The following GEN1 variants were observed in gnomAD, a reference collection of about 807,000 sequenced individuals.
GEN1 encodes flap endonuclease GEN homolog 1.
GEN1 carries 64 observed loss-of-function variants against 67.6 expected under a neutral mutation model. That is an observed-to-expected ratio of 0.95 (90% CI 0.77 to 1.17). The LOEUF is 1.17. Among genes scored for constraint, GEN1 ranks in the 50% most tolerant of loss-of-function variants. The pLI is 0.00. For synonymous variants in GEN1, 371 were observed against 359.4 expected (o/e 1.03, Z -0.37); for missense variants, 1,058 against 1,048.3 (o/e 1.01, Z -0.13).
rs869312589 is a variant in GEN1, at chr2:17,774,606, T to C, written c.1202+205T>C. The C allele has an allele frequency of 3.7e-6, 1 of 268,594 alleles. No homozygotes were observed. Among genetic ancestry groups the C allele is most frequent in the Non-Finnish European group, 7.2e-6 (1 of 139,238 alleles). 16.6% of individuals were successfully genotyped at this position (268,594 alleles called of 1,614,324 possible). ...TTCTACTTCAAACACATAGTAATAA[T>C]AGATTATAAAAAGAAACAAGCATAA... On this transcript the variant is annotated intron_variant, in intron 11 of 13. Coordinates refer to ENST00000381254, the MANE Select transcript of GEN1 (RefSeq NM_001130009.3).
intron 6 of GEN1, among the ~76,000 whole-genome samples, chr2:17,770,218 G>C (rs1360959486): frequency 6.6e-6 from 1 of 152,110 alleles, no homozygotes; most frequent in Non-Finnish European, 1.5e-5. Flanking sequence ...CAGCAAATAA[G>C]CACTGTTGAC....
At chr2:17,753,328 G>GACGGCCGCCTGGGAGGGC (rs1671174586), upstream of GEN1, among the ~76,000 whole-genome samples, 1 of 151,672 alleles carries the variant, frequency 6.6e-6, no homozygotes, top group Non-Finnish European at 1.5e-5. Context: ...AGAGTCTGGG[G>GACGGCCGCCTGGGAGGGC]ACGGCCGCCT....
rs770730123 is a variant in GEN1 at position 17,774,414 on chromosome 2, A to C, written c.1202+13A>C. ...TACAGCCAATTCGGTAATGTAAAGA[A>C]CTGTATGGTGAAGGTGGTGTTTTTA... On this transcript the variant is annotated intron_variant, in intron 11 of 13. Coordinates refer to ENST00000381254, the MANE Select transcript of GEN1 (RefSeq NM_001130009.3). The C allele has an allele frequency of 4.4e-5, 70 of 1,578,740 alleles. No individual in the cohort carries two copies. In the South Asian group the frequency reaches 7.0e-4, roughly 16 times the overall value.
intron 1 of GEN1, among the ~76,000 whole-genome samples, chr2:17,757,231 C>G (rs905655673): frequency 1.3e-5 from 2 of 148,312 alleles, no homozygotes; most frequent in African/African-American, 5.0e-5. Context: ...TTCCAATAAT[C>G]GAATCAGTGC....
chr2:17,778,327 TACATATATGTATACACACAC>T (rs1672614812), intron 12 of GEN1, among the ~76,000 whole-genome samples: 1 of 53,290 alleles, frequency 1.9e-5, no homozygotes, highest in African/African-American at 7.2e-5. Context: ...CACACACGTG[TACATATATGTATACACACAC>T]ATGTGTGTAC....
intron 3 of GEN1, among the ~76,000 whole-genome samples, chr2:17,762,269 T>G (rs1671722218): frequency 6.8e-6 from 1 of 147,334 alleles, no homozygotes; most frequent in Non-Finnish European, 1.5e-5. Context: ...TGGCGCAATC[T>G]CGGCTCACTG....
Position 17,762,787 on chromosome 2 carries a change from G to A in GEN1, c.348+1205G>A, listed in dbSNP as rs1356808889. On this transcript the variant is annotated intron_variant, in intron 3 of 13. Coordinates refer to ENST00000381254, the MANE Select transcript of GEN1 (RefSeq NM_001130009.3). Reference sequence around the variant, plus strand: ...TGTTTTCTTGTGATTTGAAATTTTAGATAAAATTACCCAATGTTGGATTGA... The same window carrying A: ...TGTTTTCTTGTGATTTGAAATTTTAAATAAAATTACCCAATGTTGGATTGA... 2.0e-5 allele frequency among the ~76,000 whole-genome samples: 3 copies of A among 152,084 alleles called. No homozygotes were observed. In the East Asian group the frequency reaches 5.8e-4, roughly 29 times the overall value.
chr2:17,774,206 A>G, intron 10 of GEN1, 65 bp from the exon 11 acceptor site: 1 of 849,736 alleles, frequency 1.2e-6, no homozygotes, highest in Non-Finnish European at 1.7e-6. Flanking sequence ...TATTAATATC[A>G]CCTAGGAGTG....
intron 11 of GEN1, among the ~76,000 whole-genome samples, chr2:17,777,651 A>G (rs774582651): frequency 6.6e-6 from 1 of 152,224 alleles, no homozygotes; most frequent in African/African-American, 2.4e-5. Flanking sequence ...AGGTACATGT[A>G]GAATAATACT....
chr2:17,753,584 C>T (rs1671211609), upstream of GEN1: 1 of 152,388 alleles, frequency 6.6e-6, no homozygotes, highest in African/African-American at 2.4e-5. Flanking sequence ...GGAGGATGAA[C>T]CCCGGAGCAA....
intron 1 of GEN1, among the ~76,000 whole-genome samples, chr2:17,758,873 A>G (rs1048056491): frequency 2.0e-5 from 3 of 152,040 alleles, no homozygotes; most frequent in Non-Finnish European, 4.4e-5. Context: ...AAAAAAAGGA[A>G]TAATACTTAT....
rs112886915 is a variant in GEN1, at chr2:17,761,378, C to G, written c.162-18C>G. The G allele has an allele frequency of 7.4e-7, 1 of 1,359,624 alleles. No homozygotes were observed. The highest frequency in any genetic ancestry group is 1.8e-5 in the Admixed American group (1 of 55,374). The allele number at this position is 1,359,624 out of a possible 1,614,324, so 84.2% of individuals were successfully genotyped here. On this transcript the variant is annotated intron_variant, in intron 2 of 13. Coordinates refer to ENST00000381254, the MANE Select transcript of GEN1 (RefSeq NM_001130009.3). ...TCAGTGTTTGATGATTAATGTATTA[C>G]TAATTTATATATTTCAGGAACTTAT...
At chr2:17,757,837 T>C (rs1671500142) in intron 1 of GEN1, among the ~76,000 whole-genome samples, 1 of 152,346 alleles carries the variant, frequency 6.6e-6, no homozygotes, top group South Asian at 2.1e-4. Context: ...CTCCAACTCC[T>C]AATAAATAGG....
At chr2:17,774,875 A>T (rs370572222) in intron 11 of GEN1, among the ~76,000 whole-genome samples, 1 of 152,066 alleles carries the variant, frequency 6.6e-6, no homozygotes, top group Non-Finnish European at 1.5e-5. Context: ...CTCTGTTCCT[A>T]TCAGGAGATT....
intron 5 of GEN1, 28 bp from the exon 6 acceptor site, chr2:17,768,709 GA>G: frequency 2.7e-6 from 4 of 1,504,338 alleles, no homozygotes; most frequent in Non-Finnish European, 3.7e-6. Flanking sequence ...ATTAACATTG[GA>G]ATTATTTTTT....
At position 17,785,817 on chromosome 2, in the gene GEN1, C is replaced by T. The variant is rs1349599167; in HGVS notation, c.*3878C>T. ...GCTGAGGCAGGAGAATCGCTTGAAC[C>T]TGGGAGGCAGAGGTTGCAGTGAGCT... On this transcript the variant is annotated 3_prime_UTR_variant, in exon 14 of 14. Coordinates refer to ENST00000381254, the MANE Select transcript of GEN1 (RefSeq NM_001130009.3). 1 of 152,386 alleles carries T rather than the reference C, an allele frequency of 6.6e-6. No individual in the cohort carries two copies. Among genetic ancestry groups the T allele is most frequent in the East Asian group, 1.9e-4 (1 of 5,202 alleles). The allele number at this position is 152,386 out of a possible 1,614,324, so 9.4% of individuals were successfully genotyped here. A position where few individuals can be genotyped will look rare whatever the true frequency, so the allele number is the denominator to read the frequency against.
At position 17,774,297 on chromosome 2, in the gene GEN1, G is replaced by C; in HGVS notation, c.1098G>C (p.Trp366Cys). ...FQRFTLEKME[W>C]PNHYACEKLL... is the part of the protein sequence containing the mutation. Reference sequence around the variant, plus strand: ...GATTTACTCTTGAAAAAATGGAGTGGCCCAATCACTATGCATGTGAGAAAT... The same window carrying C: ...GATTTACTCTTGAAAAAATGGAGTGCCCCAATCACTATGCATGTGAGAAAT... The change falls in exon 11 of 14, where the codon TGG becomes TGC. Residue 366 changes from tryptophan to cysteine, a missense_variant. Transcript: ENST00000381254. The C allele has an allele frequency of 6.3e-7, 1 of 1,580,844 alleles. No individual in the cohort carries two copies. Among genetic ancestry groups the C allele is most frequent in the African/African-American group, 1.3e-5 (1 of 74,112 alleles).
chr2:17,768,187 T>C (rs1291675488), intron 5 of GEN1, among the ~76,000 whole-genome samples: 2 of 152,260 alleles, frequency 1.3e-5, no homozygotes, highest in East Asian at 3.8e-4. Context: ...TCAGTTTAAA[T>C]CAGAAATTGT....
intron 13 of GEN1, 65 bp from the exon 14 acceptor site, chr2:17,780,541 AACTGTTTATTTTTTT>A (rs1424196392): frequency 1.1e-6 from 1 of 917,434 alleles, no homozygotes; most frequent in Non-Finnish European, 1.6e-6. Context: ...TTTCTCTCTG[AACTGTTTATTTTTTT>A]ATTTTTTACC....
Sources: gnomAD v4.1 joint callset for allele counts (sites outside exome capture counted in the v4.1 genomes callset) on GRCh38, gnomAD v4.1.1 for gene constraint, MANE v1.5 for transcripts, NCBI Gene and HGNC (gene_info 2026-07-23, HGNC 2026-07-21) for gene names.